Variants in CNIH3 observed in about 807,000 individuals in gnomAD.
CNIH3 encodes protein cornichon homolog 3.
Under a neutral mutation model 24.1 loss-of-function variants are expected in CNIH3, and 14 were observed. That is an observed-to-expected ratio of 0.58 (90% CI 0.38 to 0.91). CNIH3 has a LOEUF of 0.91. Ranked by LOEUF, CNIH3 falls within the 40% of genes least tolerant of loss-of-function variation. The probability of loss-of-function intolerance (pLI) is 0.00; values close to 1 mark genes in which losing one functional copy is unlikely to be tolerated. For missense variants in CNIH3, 178 were observed against 196.8 expected (o/e 0.90, Z 0.57); for synonymous variants, 68 against 73.8 (o/e 0.92, Z 0.40).
chr1:224,569,813 C>T (rs955493888), intron 4 of CNIH3, among the ~76,000 whole-genome samples: 2 of 151,716 alleles, frequency 1.3e-5, no homozygotes, highest in Non-Finnish European at 2.9e-5. Context: ...TAGACAGAGT[C>T]TGCTCTGTTG....
intron 4 of CNIH3, among the ~76,000 whole-genome samples, chr1:224,732,293 G>A (rs1398338667): frequency 2.0e-5 from 3 of 152,152 alleles, no homozygotes; most frequent in East Asian, 1.9e-4. Context: ...CTGCGTGGCC[G>A]GGAGGTCGAT....
upstream of CNIH3, among the ~76,000 whole-genome samples, chr1:224,613,878 G>GT (rs1427021148): frequency 4.6e-5 from 7 of 151,314 alleles, no homozygotes; most frequent in Admixed American, 1.3e-4. Context: ...CCAGCCTCAG[G>GT]TTTTTGTTTT....
At chr1:224,619,216 T>C (rs928535169) in intron 1 of CNIH3, among the ~76,000 whole-genome samples, 1 of 152,206 alleles carries the variant, frequency 6.6e-6, no homozygotes, top group Admixed American at 6.5e-5. Flanking sequence ...CAGGGAAAGA[T>C]GATTAATAAT....
At chr1:224,699,580 C>T (rs1054478639) in intron 3 of CNIH3, among the ~76,000 whole-genome samples, 1 of 152,134 alleles carries the variant, frequency 6.6e-6, no homozygotes, top group East Asian at 1.9e-4. Context: ...TCTGTGTGTC[C>T]GTGTCCTAAT....
chr1:224,440,697 GAA>G (rs1252727644), intron 1 of CNIH3, among the ~76,000 whole-genome samples: 4 of 152,178 alleles, frequency 2.6e-5, no homozygotes, highest in African/African-American at 9.7e-5. Flanking sequence ...TGGTAGGAAA[GAA>G]AAGCATAAAC....
At chr1:224,707,233 G>T (rs1057159101) in intron 3 of CNIH3, among the ~76,000 whole-genome samples, 2 of 151,804 alleles carry the variant, frequency 1.3e-5, no homozygotes, top group African/African-American at 4.8e-5. Context: ...CAAAGTGCTG[G>T]GATTACAAAT....
At chr1:224,555,046 T>C (rs1191049042) in intron 3 of CNIH3, among the ~76,000 whole-genome samples, 2 of 151,936 alleles carry the variant, frequency 1.3e-5, no homozygotes, top group Non-Finnish European at 2.9e-5. Context: ...TTGTTGGGGG[T>C]AGTAGGGGAG....
At chr1:224,529,830 G>A (rs577100271) in intron 2 of CNIH3, among the ~76,000 whole-genome samples, 1 of 152,190 alleles carries the variant, frequency 6.6e-6, no homozygotes, top group Non-Finnish European at 1.5e-5. Flanking sequence ...TTCTGATAAC[G>A]GGCTGTACCT....
intron 1 of CNIH3, among the ~76,000 whole-genome samples, chr1:224,652,937 A>G (rs1020565075): frequency 4.6e-5 from 7 of 152,190 alleles, no homozygotes; most frequent in Non-Finnish European, 8.8e-5. Context: ...TATTGGGAAC[A>G]CAGCAGGAGC....
intron 3 of CNIH3, among the ~76,000 whole-genome samples, chr1:224,686,835 C>A (rs892010943): frequency 6.6e-6 from 1 of 152,248 alleles, no homozygotes; most frequent in African/African-American, 2.4e-5. Flanking sequence ...AAAGTAAGCA[C>A]ACTATGCAAG....
chr1:224,621,929 C>G lies in CNIH3; in HGVS notation c.81+4674C>G, dbSNP rs540558899. ...GATGGGGTTTTTTTTGTGCTGTTCT[C>G]ATGATAGTGAATAAGTCTCATGAGA... is the stretch of plus-strand genomic sequence containing the variant. On this transcript the variant is annotated intron_variant, in intron 1 of 5. Transcript: ENST00000272133. 3.4e-3 allele frequency among the ~76,000 whole-genome samples: 516 copies of G among 152,180 alleles called. 2 individuals carry two copies. Among genetic ancestry groups the G allele is most frequent in the African/African-American group, 0.012 (489 of 41,498 alleles).
At chr1:224,679,001 C>T (rs1226307984) in intron 1 of CNIH3, among the ~76,000 whole-genome samples, 3 of 151,806 alleles carry the variant, frequency 2.0e-5, no homozygotes, top group Non-Finnish European at 2.9e-5. Context: ...AAAGCAGTAT[C>T]GATAAAAGAA....
intron 3 of CNIH3, among the ~76,000 whole-genome samples, chr1:224,699,837 G>A (rs1687385596): frequency 6.6e-6 from 1 of 152,174 alleles, no homozygotes; most frequent in Non-Finnish European, 1.5e-5. Flanking sequence ...AGGGGATTGA[G>A]GCCCTGAGCT....
chr1:224,435,823 A>T (rs1674632706), intron 1 of CNIH3: 1 of 152,238 alleles, frequency 6.6e-6, no homozygotes, highest in African/African-American at 2.4e-5. Flanking sequence ...TATGTGGTTG[A>T]TAGCATCTAT....
At chr1:224,664,519 G>C (rs1005583525) in intron 1 of CNIH3, among the ~76,000 whole-genome samples, 1 of 152,152 alleles carries the variant, frequency 6.6e-6, no homozygotes, top group Non-Finnish European at 1.5e-5. Flanking sequence ...TTATGGAGGG[G>C]TGCTACAACA....
At chr1:224,463,849 G>A (rs113380345) in intron 1 of CNIH3, among the ~76,000 whole-genome samples, 1,280 of 124,442 alleles carry the variant, frequency 0.01, 30 homozygotes, top group African/African-American at 0.038. Flanking sequence ...GGAGTGCAGT[G>A]GCATGATCTC....
At chr1:224,545,159 T>C (rs951420497) in intron 2 of CNIH3, among the ~76,000 whole-genome samples, 1 of 152,228 alleles carries the variant, frequency 6.6e-6, no homozygotes, top group Admixed American at 6.5e-5. Context: ...CGTATGTGTG[T>C]ATCTCCTATG....
chr1:224,691,305 C>T (rs1260888502), intron 3 of CNIH3, among the ~76,000 whole-genome samples: 2 of 146,328 alleles, frequency 1.4e-5, no homozygotes, highest in South Asian at 4.2e-4. Flanking sequence ...GCCTGGTCTC[C>T]GTGACCTTTG....
chr1:224,694,545 T>A (rs1002822104), intron 3 of CNIH3, among the ~76,000 whole-genome samples: 6 of 152,212 alleles, frequency 3.9e-5, no homozygotes, highest in Admixed American at 3.3e-4. Context: ...TCAAACATTG[T>A]TCTGGTTGTT....
Sources: allele counts gnomAD v4.1 joint callset (sites outside exome capture counted in the v4.1 genomes callset), GRCh38; gene constraint gnomAD v4.1.1; transcripts MANE v1.5; gene names NCBI Gene and HGNC (gene_info 2026-07-23, HGNC 2026-07-21).